ROBO2: variants seen among roughly 807,000 people sequenced by gnomAD.
ROBO2 encodes the protein roundabout guidance receptor 2.
A neutral mutation model predicts 160.8 loss-of-function variants in ROBO2; 53 were observed. The ratio of observed to expected loss-of-function variants is 0.33; its 90% confidence interval spans 0.26 to 0.41. The LOEUF (loss-of-function observed/expected upper bound fraction) is 0.41, where lower values mean the gene tolerates loss of function less well. Ranked by LOEUF, ROBO2 falls within the 10% of genes least tolerant of loss-of-function variation. The pLI, the probability that ROBO2 is intolerant of heterozygous loss-of-function variation, is 1.00. For synonymous variants in ROBO2, 664 were observed against 611.7 expected (o/e 1.09, Z -1.26); for missense variants, 1,577 against 1,722.4 (o/e 0.92, Z 1.49).
chr3:77,353,774 G>C (rs543436540), intron 2 of ROBO2, among the ~76,000 whole-genome samples: 4 of 152,112 alleles, frequency 2.6e-5, no homozygotes, highest in Non-Finnish European at 5.9e-5. Context: ...GCCTCCCAAA[G>C]TGCTGGGATT....
At chr3:76,262,756 A>G (rs536662521) in intron 2 of ROBO2, among the ~76,000 whole-genome samples, 2 of 152,294 alleles carry the variant, frequency 1.3e-5, no homozygotes, top group African/African-American at 4.8e-5. Flanking sequence ...TCCAGGGGTC[A>G]TAAAAGGTAA....
intron 2 of ROBO2, among the ~76,000 whole-genome samples, chr3:76,289,938 T>C (rs1024338699): frequency 1.3e-5 from 2 of 152,210 alleles, no homozygotes; most frequent in Admixed American, 1.3e-4. Flanking sequence ...GCATCTGGCA[T>C]TGTTCGTTTT....
In ROBO2 at chr3:76,760,752, A is replaced by G. The variant is rs527802180; in HGVS notation, c.110-337262A>G. 2.4e-3 allele frequency among the ~76,000 whole-genome samples: 360 copies of G among 151,918 alleles called. 1 individual carries two copies. Among genetic ancestry groups the G allele is most frequent in the African/African-American group, 8.3e-3 (343 of 41,504 alleles). ...GTGTGTATATAAAGTGGAATAATGA[A>G]TTATTTAGCTGATAACAAACATGAT... is the stretch of plus-strand genomic sequence containing the variant. On this transcript the variant is annotated intron_variant, in intron 2 of 26. Coordinates refer to the ROBO2 transcript ENST00000487694.
chr3:76,500,333 G>C (rs1035170411), intron 2 of ROBO2, among the ~76,000 whole-genome samples: 3 of 152,128 alleles, frequency 2.0e-5, no homozygotes, highest in Non-Finnish European at 4.4e-5. Context: ...TGCCCAGGCT[G>C]GTCTCCAACT....
chr3:77,347,004 A>G (rs2067728262), intron 2 of ROBO2, among the ~76,000 whole-genome samples: 1 of 152,138 alleles, frequency 6.6e-6, no homozygotes, highest in South Asian at 2.1e-4. Context: ...GTCCCTTCAC[A>G]GTAGTACCTG....
At chr3:76,653,817 T>C (rs1256588553) in intron 2 of ROBO2, among the ~76,000 whole-genome samples, 1 of 152,190 alleles carries the variant, frequency 6.6e-6, no homozygotes, top group Non-Finnish European at 1.5e-5. Context: ...GCTAGGACAT[T>C]ACCATGGCAA....
At chr3:77,538,991 C>T (rs1365309572) in intron 6 of ROBO2, 1 of 407,008 alleles carries the variant, frequency 2.5e-6, no homozygotes, top group African/African-American at 2.1e-5. Context: ...AATCTCGGCT[C>T]ACTGCAAGCT....
chr3:77,411,669 A>AATAT (rs1437216334), intron 2 of ROBO2, among the ~76,000 whole-genome samples: 4 of 152,208 alleles, frequency 2.6e-5, no homozygotes, highest in African/African-American at 9.7e-5. Context: ...TGGAGAAATG[A>AATAT]ATATATACAC....
rs570499276 is a variant in ROBO2 at position 76,761,956 on chromosome 3, CT to C, written c.110-336050del. On this transcript the variant is annotated intron_variant, in intron 2 of 26. Coordinates refer to the ROBO2 transcript ENST00000487694. ...CAGAAAATATGGTAATGATCATAAACTTTTTTTTATCTAATAAGATCATGAG... is the reference window on the plus strand; with the variant it reads ...CAGAAAATATGGTAATGATCATAAACTTTTTTTATCTAATAAGATCATGAG... Among the ~76,000 whole-genome samples, 546 of 151,270 alleles carry C rather than the reference CT, an allele frequency of 3.6e-3. 4 individuals carry two copies. Among genetic ancestry groups the C allele is most frequent in the African/African-American group, 0.013 (523 of 41,334 alleles).
At chr3:77,627,955 C>T (rs2095066436) in intron 23 of ROBO2, among the ~76,000 whole-genome samples, 2 of 152,086 alleles carry the variant, frequency 1.3e-5, no homozygotes, top group Admixed American at 1.3e-4. Context: ...GATGACTGAT[C>T]ATAAATTAAT....
In ROBO2 at chr3:76,726,184, A is replaced by G. The variant is rs116506963; in HGVS notation, c.110-371830A>G. On this transcript the variant is annotated intron_variant, in intron 2 of 26. Transcript: ENST00000487694. ...TCTCTCCCTGCATATCCATTTCTAT[A>G]CTGTTTCCAGGCTGATCTTGTAAAC... Among the ~76,000 whole-genome samples the G allele has an allele frequency of 9.3e-3, 1,419 of 152,218 alleles. 9 individuals carry two copies. Among genetic ancestry groups the G allele is most frequent in the Non-Finnish European group, 0.014 (941 of 68,014 alleles).
chr3:76,142,680 C>T (rs954669294), intron 2 of ROBO2, among the ~76,000 whole-genome samples: 3 of 151,732 alleles, frequency 2.0e-5, no homozygotes, highest in African/African-American at 4.8e-5. Flanking sequence ...TAATGGGGGG[C>T]TAGTGGAGAT....
intron 22 of ROBO2, chr3:77,618,075 C>G: frequency 5.1e-6 from 2 of 394,336 alleles, no homozygotes; most frequent in South Asian, 5.0e-5. Flanking sequence ...CTAAAGTGCT[C>G]TTGGCTACAC....
chr3:76,381,652 T>G (rs1432545280), intron 2 of ROBO2, among the ~76,000 whole-genome samples: 1 of 152,088 alleles, frequency 6.6e-6, no homozygotes, highest in East Asian at 1.9e-4. Context: ...CCCCGCCTAT[T>G]ATTATTATGT....
At chr3:77,057,290 A>G (rs918110707) in intron 1 of ROBO2, among the ~76,000 whole-genome samples, 7 of 152,126 alleles carry the variant, frequency 4.6e-5, no homozygotes, top group Non-Finnish European at 1.0e-4. Context: ...GGTGGGGAAC[A>G]TCACACACTG....
intron 21 of ROBO2, 110 bp downstream of exon 22, chr3:77,608,064 C>T (rs1229444577): frequency 5.1e-6 from 5 of 977,738 alleles, no homozygotes; most frequent in Non-Finnish European, 8.0e-6. Context: ...CCCCCCACCA[C>T]CATGTTCATT....
At chr3:76,747,254 T>C (rs928197710) in intron 2 of ROBO2, among the ~76,000 whole-genome samples, 1 of 152,138 alleles carries the variant, frequency 6.6e-6, no homozygotes, top group Non-Finnish European at 1.5e-5. Flanking sequence ...AACAAAGTGA[T>C]TTGCAGAGCA....
chr3:77,220,260 T>G (rs2151189400), intron 2 of ROBO2, among the ~76,000 whole-genome samples: 1 of 152,296 alleles, frequency 6.6e-6, no homozygotes, highest in South Asian at 2.1e-4. Context: ...TCCGCCCACC[T>G]TGGCCTCCCA....
At chr3:76,543,416 G>A (rs1483136697) in intron 2 of ROBO2, among the ~76,000 whole-genome samples, 1 of 152,110 alleles carries the variant, frequency 6.6e-6, no homozygotes, top group African/African-American at 2.4e-5. Flanking sequence ...GACACAGCAG[G>A]AAGCTATTGA....
Sources: allele counts gnomAD v4.1 joint callset (sites outside exome capture counted in the v4.1 genomes callset), GRCh38; gene constraint gnomAD v4.1.1; transcripts MANE v1.5; gene names NCBI Gene and HGNC (gene_info 2026-07-23, HGNC 2026-07-21).